CAMKMT: variants seen among roughly 807,000 people sequenced by gnomAD.
CAMKMT encodes the protein CaM KMT.
CAMKMT carries 53 observed loss-of-function variants against 48.0 expected under a neutral mutation model. The observed-to-expected ratio is 1.10, with a 90% CI of 0.89 to 1.39. The LOEUF is 1.39. CAMKMT is among the 40% of genes most tolerant of loss of function. The pLI, the probability that CAMKMT is intolerant of heterozygous loss-of-function variation, is 0.00. For missense variants in CAMKMT, 428 were observed against 402.7 expected (o/e 1.06, Z -0.54); for synonymous variants, 165 against 152.3 (o/e 1.08, Z -0.61).
intron 3 of CAMKMT, among the ~76,000 whole-genome samples, chr2:44,611,382 G>A (rs557961972): frequency 4.9e-4 from 74 of 151,826 alleles, no homozygotes; most frequent in Admixed American, 1.0e-3. Context: ...GCAGTGAGCC[G>A]AGATCGTGCC....
intron 10 of CAMKMT, among the ~76,000 whole-genome samples, chr2:44,770,934 G>T (rs1164820759): frequency 6.6e-6 from 1 of 152,244 alleles, no homozygotes; most frequent in East Asian, 1.9e-4. Context: ...TTGGAAAGTG[G>T]ATTAGAAATT....
chr2:44,437,387 G>C (rs758024236), intron 3 of CAMKMT, among the ~76,000 whole-genome samples: 1 of 152,196 alleles, frequency 6.6e-6, no homozygotes, highest in South Asian at 2.1e-4. Flanking sequence ...CCCCAAGCAG[G>C]GTTACTGGGG....
At chr2:44,544,486 T>C (rs1667289525) in intron 3 of CAMKMT, among the ~76,000 whole-genome samples, 1 of 152,212 alleles carries the variant, frequency 6.6e-6, no homozygotes, top group East Asian at 1.9e-4. Context: ...TCTTGCTGTT[T>C]AGTCAAACTG....
At chr2:44,471,239 C>A (rs1250294092) in intron 3 of CAMKMT, among the ~76,000 whole-genome samples, 1 of 152,114 alleles carries the variant, frequency 6.6e-6, no homozygotes, top group Non-Finnish European at 1.5e-5. Flanking sequence ...GGTCTGCCTG[C>A]CTTGGCCTCC....
At chr2:44,454,847 A>G (rs1667476453) in intron 3 of CAMKMT, among the ~76,000 whole-genome samples, 1 of 152,172 alleles carries the variant, frequency 6.6e-6, no homozygotes, top group Admixed American at 6.6e-5. Context: ...GTACACATCT[A>G]TAAACATTTT....
chr2:44,385,109 T>C (rs576475073), intron 2 of CAMKMT, among the ~76,000 whole-genome samples: 1 of 152,340 alleles, frequency 6.6e-6, no homozygotes, highest in South Asian at 2.1e-4. Context: ...TACCTATCCA[T>C]GAGCATGGGA....
chr2:44,409,647 T>G (rs1387666568), intron 3 of CAMKMT, among the ~76,000 whole-genome samples: 1 of 152,174 alleles, frequency 6.6e-6, no homozygotes, highest in African/African-American at 2.4e-5. Context: ...GACTTGACAT[T>G]GTTGTAAAAA....
At chr2:44,471,187 C>T (rs1317357965) in intron 3 of CAMKMT, among the ~76,000 whole-genome samples, 1 of 152,000 alleles carries the variant, frequency 6.6e-6, no homozygotes, top group Non-Finnish European at 1.5e-5. Flanking sequence ...GACGGGGTTT[C>T]ACCATGTTGG....
chr2:44,607,701 G>T (rs1558740646), intron 3 of CAMKMT, among the ~76,000 whole-genome samples: 1 of 152,098 alleles, frequency 6.6e-6, no homozygotes, highest in Non-Finnish European at 1.5e-5. Context: ...ATGCAATTAG[G>T]TGCTTCATTG....
intron 3 of CAMKMT, among the ~76,000 whole-genome samples, chr2:44,394,393 G>A (rs1222692601): frequency 6.7e-6 from 1 of 150,032 alleles, no homozygotes; most frequent in African/African-American, 2.5e-5. Flanking sequence ...TGACAGTGGT[G>A]ATTTTTGTTT....
intron 3 of CAMKMT, among the ~76,000 whole-genome samples, chr2:44,577,953 A>G (rs1293132159): frequency 6.6e-6 from 1 of 152,188 alleles, no homozygotes; most frequent in Admixed American, 6.5e-5. Flanking sequence ...TAAGTTTATT[A>G]TTCTTCATCC....
intron 3 of CAMKMT, among the ~76,000 whole-genome samples, chr2:44,398,567 C>CTTTTT (rs10711902): frequency 3.2e-5 from 4 of 125,800 alleles, no homozygotes; most frequent in African/African-American, 8.8e-5. Context: ...CTTTTCTTTT[C>CTTTTT]TTTTTTTTTT....
In CAMKMT at chr2:44,521,445, A is replaced by G. The variant is rs112289490; in HGVS notation, c.376+131140A>G. 9.1e-3 allele frequency among the ~76,000 whole-genome samples: 1,380 copies of G among 152,016 alleles called. 13 individuals are homozygous for G. Among genetic ancestry groups the G allele is most frequent in the African/African-American group, 0.025 (1,057 of 41,464 alleles). On this transcript the variant is annotated intron_variant, in intron 3 of 10. Coordinates refer to ENST00000378494, the MANE Select transcript of CAMKMT (RefSeq NM_024766.5). ...AGGTGTGCACCACCACACCTGGCCA[A>G]TGTTTTGTATTTTTTAGTAGAGATG...
intron 3 of CAMKMT, among the ~76,000 whole-genome samples, chr2:44,668,604 C>T (rs1375591647): frequency 6.6e-6 from 1 of 152,020 alleles, no homozygotes; most frequent in African/African-American, 2.4e-5. Context: ...CTCCAGTTCA[C>T]CCTTATTTTT....
chr2:44,720,927 G>C (rs188504281), intron 7 of CAMKMT, among the ~76,000 whole-genome samples: 4 of 151,956 alleles, frequency 2.6e-5, no homozygotes, highest in Admixed American at 2.0e-4. Context: ...ACTTTTTGTT[G>C]GTCTTACAAA....
At chr2:44,388,908 G>A (rs1085483) in intron 2 of CAMKMT, among the ~76,000 whole-genome samples, 94,383 of 151,898 alleles carry the variant, frequency 0.62, 29,710 homozygotes, top group Middle Eastern at 0.67. Flanking sequence ...TGGAGGTGGC[G>A]GGGTGGGGGG....
At chr2:44,753,363 G>T (rs1338167977) in intron 8 of CAMKMT, among the ~76,000 whole-genome samples, 1 of 149,302 alleles carries the variant, frequency 6.7e-6, no homozygotes, top group Admixed American at 6.7e-5. Context: ...GGCATTTGAG[G>T]CTGCAGTAAC....
chr2:44,747,590 A>C (rs373187800), intron 8 of CAMKMT, among the ~76,000 whole-genome samples: 1 of 152,234 alleles, frequency 6.6e-6, no homozygotes, highest in South Asian at 2.1e-4. Flanking sequence ...TCCTTTGCTG[A>C]AGTTAAATCT....
intron 3 of CAMKMT, among the ~76,000 whole-genome samples, chr2:44,652,824 T>C (rs1173734254): frequency 6.6e-6 from 1 of 152,100 alleles, no homozygotes; most frequent in Non-Finnish European, 1.5e-5. Context: ...TGCTGGACAA[T>C]TGACATCCAC....
Sources: gnomAD v4.1 joint callset for allele counts (sites outside exome capture counted in the v4.1 genomes callset) on GRCh38, gnomAD v4.1.1 for gene constraint, MANE v1.5 for transcripts, NCBI Gene and HGNC (gene_info 2026-07-23, HGNC 2026-07-21) for gene names.